The following ESPN variants were observed in gnomAD, a reference collection of about 807,000 sequenced individuals.
The protein encoded by ESPN is espin, also known as autosomal recessive deafness type 36 protein.
ESPN carries 68 observed loss-of-function variants against 77.7 expected under a neutral mutation model. That is an observed-to-expected ratio of 0.87 (90% confidence interval 0.72 to 1.07). The LOEUF is 1.07. Ranked by LOEUF, ESPN falls within the 50% of genes least tolerant of loss-of-function variation. The probability of loss-of-function intolerance (pLI) is 0.00; values close to 1 mark genes in which losing one functional copy is unlikely to be tolerated. For missense variants in ESPN, 1,060 were observed against 1,239.0 expected (o/e 0.86, Z 2.17); for synonymous variants, 449 against 567.1 (o/e 0.79, Z 2.96).
chr1:6,447,749 C>G lies in ESPN; in HGVS notation c.1465-892C>G, dbSNP rs1643875679. Among the ~76,000 whole-genome samples, 1 of 152,148 alleles carries G rather than the reference C, an allele frequency of 6.6e-6. No homozygotes were observed. The highest frequency in any genetic ancestry group is 2.4e-5 in the African/African-American group (1 of 41,440). Reference sequence around the variant, plus strand: ...GGAAGGGTGGGGACGCGACCCGGAGCCGGGGGCCAAATATGAGAGGCCTCC... The same window carrying G: ...GGAAGGGTGGGGACGCGACCCGGAGGCGGGGGCCAAATATGAGAGGCCTCC... On this transcript the variant is annotated intron_variant, in intron 7 of 12. Transcript: ENST00000645284. This position sits in a 1 kb window ranked among gnomAD's most constrained non-coding sequence, Gnocchi z 5.2.
chr1:6,448,587 G>A lies in ESPN; in HGVS notation c.1465-54G>A, dbSNP rs1569708799. On this transcript the variant is annotated intron_variant, in intron 7 of 12. Transcript: ENST00000645284. ...GTGAAGAGCTGGGTGGGGAGGCGTG[G>A]GGGGCGCCTACCGGGCAGGTGCCCG... The A allele has an allele frequency of 6.1e-6, 9 of 1,481,954 alleles. No homozygotes were observed. In the East Asian group the frequency reaches 2.1e-4, roughly 34 times the overall value. 91.8% of individuals were successfully genotyped at this position (1,481,954 alleles called of 1,614,324 possible). A position where few individuals can be genotyped will look rare whatever the true frequency, so the allele number is the denominator to read the frequency against.
chr1:6,460,932 T>G lies in ESPN; in HGVS notation c.*786T>G. On this transcript the variant is annotated 3_prime_UTR_variant, in exon 13 of 13. Transcript: ENST00000645284. ...CCCATTAAAGCGCTCTCATCTGGGC[T>G]CCGGTTCACTCACTCGCTGTGGCCG... 1 of 361,912 alleles carries G rather than the reference T, an allele frequency of 2.8e-6. No homozygotes were observed. 22.4% of individuals were successfully genotyped at this position (361,912 alleles called of 1,614,324 possible).
In ESPN at chr1:6,447,820, G is replaced by T. The variant is rs1411039670; in HGVS notation, c.1465-821G>T. ...TCCCCTCTCGGGCGGGGATGAAGGTGGGGGCTCAGCTCCCAGCTTAGGGAG... is the reference window on the plus strand; with the variant it reads ...TCCCCTCTCGGGCGGGGATGAAGGTTGGGGCTCAGCTCCCAGCTTAGGGAG... On this transcript the variant is annotated intron_variant, in intron 7 of 12. Coordinates refer to ENST00000645284, the MANE Select transcript of ESPN (RefSeq NM_031475.3). This position sits in a 1 kb window ranked among gnomAD's most constrained non-coding sequence, Gnocchi z 5.2. 6.6e-6 allele frequency among the ~76,000 whole-genome samples: 1 copy of T among 152,190 alleles called. No individual in the cohort carries two copies. The highest frequency in any genetic ancestry group is 6.5e-5 in the Admixed American group (1 of 15,280).
chr1:6,440,692 G>A lies in ESPN; in HGVS notation c.742G>A (p.Ala248Thr). ...CGGCGCCACCGCCATGCACTTCGCGGCGAGCCGCGGCCACACCAAGGTGCT... is the reference window on the plus strand; with the variant it reads ...CGGCGCCACCGCCATGCACTTCGCGACGAGCCGCGGCCACACCAAGGTGCT... The part of the protein sequence containing the change: ...KDGATAMHFA[A>T]SRGHTKVLSW... The change falls in exon 4 of 13, where the codon GCG becomes ACG. Residue 248 changes from alanine to threonine, a missense_variant. Physicochemically the swap from Ala to Thr is moderately conservative, Grantham distance 58. Coordinates refer to ENST00000645284, the MANE Select transcript of ESPN (RefSeq NM_031475.3). 1 of 1,541,878 alleles carries A rather than the reference G, an allele frequency of 6.5e-7. No homozygotes were observed. The highest frequency in any genetic ancestry group is 1.2e-5 in the South Asian group (1 of 83,524).
rs1643937788 is a variant in ESPN, at chr1:6,451,212, C to A, written c.1916-391C>A. The A allele has an allele frequency of 2.8e-6, 1 of 359,192 alleles. No homozygotes were observed. Among genetic ancestry groups the A allele is most frequent in the African/African-American group, 2.1e-5 (1 of 47,244 alleles). 22.3% of individuals were successfully genotyped at this position (359,192 alleles called of 1,614,324 possible). On this transcript the variant is annotated intron_variant, in intron 8 of 12. Transcript: ENST00000645284. This position sits in a 1 kb window ranked among gnomAD's most constrained non-coding sequence, Gnocchi z 4.3. ...ATGTAGGGAGAGGGCCAGAGGGAGG[C>A]TCCACCCCAGCCGGGCTGAGCCAGG...
chr1:6,441,915 GGCCCAGA>G (rs1395405587), intron 5 of ESPN, among the ~76,000 whole-genome samples: 1 of 152,246 alleles, frequency 6.6e-6, no homozygotes, highest in Non-Finnish European at 1.5e-5. Context: ...AACACAGCAA[GGCCCAGA>G]GGCCAGAGGC....
intron 2 of ESPN, among the ~76,000 whole-genome samples, chr1:6,433,849 G>C (rs1643339098): frequency 6.6e-6 from 1 of 152,132 alleles, no homozygotes; most frequent in African/African-American, 2.4e-5. Context: ...CCTGAGCCTT[G>C]CTGAAATTGT....
intron 2 of ESPN, among the ~76,000 whole-genome samples, chr1:6,432,577 C>G (rs1472681680): frequency 6.6e-6 from 1 of 152,208 alleles, no homozygotes; most frequent in Non-Finnish European, 1.5e-5. Context: ...CCCTGCCCTA[C>G]CCTTCTAAGG....
chr1:6,453,120 C>T (rs1258723037), intron 10 of ESPN, among the ~76,000 whole-genome samples: 1 of 152,192 alleles, frequency 6.6e-6, no homozygotes, highest in Non-Finnish European at 1.5e-5. Context: ...TCTCGAACTC[C>T]TGGCCTCAAG....
downstream of ESPN, chr1:6,461,291 C>T: frequency 9.5e-7 from 1 of 1,054,238 alleles, no homozygotes; most frequent in Non-Finnish European, 1.4e-6. This position sits in a 1 kb window ranked among gnomAD's most constrained non-coding sequence, Gnocchi z 6.3. Flanking sequence ...TAGGGGCGAG[C>T]AGGGGTGGGG....
rs764826715 is a variant in ESPN at position 6,441,017 on chromosome 1, C to T, written c.942C>T (p.Phe314=). 1.9e-6 allele frequency: 3 copies of T among 1,610,726 alleles called. No homozygotes were observed. The highest frequency in any genetic ancestry group is 2.2e-5 in the South Asian group (2 of 90,656). The change falls in exon 5 of 13, where the codon TTC becomes TTT. Residue 314 remains phenylalanine (F), a synonymous_variant. Transcript: ENST00000645284. ...DGYTAADLSD[F]NGHSHCTRYL... Reference sequence around the variant, plus strand: ...ACACGGCCGCCGACCTGTCGGACTTCAACGGCCACAGCCACTGCACCCGCT... The same window carrying T: ...ACACGGCCGCCGACCTGTCGGACTTTAACGGCCACAGCCACTGCACCCGCT...
At chr1:6,436,910 G>A (rs763923662) in intron 2 of ESPN, among the ~76,000 whole-genome samples, 4 of 151,950 alleles carry the variant, frequency 2.6e-5, no homozygotes, top group Non-Finnish European at 4.4e-5. Context: ...ATGTTGAGCC[G>A]GGATCCCCTC....
intron 12 of ESPN, among the ~76,000 whole-genome samples, chr1:6,459,324 G>T (rs534942431): frequency 6.6e-6 from 1 of 151,710 alleles, no homozygotes; most frequent in Non-Finnish European, 1.5e-5. Flanking sequence ...GGAGGATTAC[G>T]TGAGCCCAGG....
chr1:6,453,637 C>T (rs998400003), intron 10 of ESPN, among the ~76,000 whole-genome samples: 66 of 152,218 alleles, frequency 4.3e-4, no homozygotes, highest in African/African-American at 1.5e-3. Flanking sequence ...GTTACCAAGA[C>T]CTGGCCAGAG....
intron 6 of ESPN, 99 bp from the exon 7 acceptor site, chr1:6,445,565 G>T (rs1405872822): frequency 8.7e-6 from 12 of 1,382,026 alleles, no homozygotes; most frequent in African/African-American, 1.4e-5. Flanking sequence ...AGCCCACCTT[G>T]CCCCTCGGCA....
chr1:6,449,905 C>T (rs74792639), intron 8 of ESPN, among the ~76,000 whole-genome samples: 1 of 152,148 alleles, frequency 6.6e-6, no homozygotes, highest in South Asian at 2.1e-4. Context: ...CCACTCAGGG[C>T]AGAGATCATG....
chr1:6,454,399 C>A (rs930017210), intron 10 of ESPN: 6 of 398,866 alleles, frequency 1.5e-5, no homozygotes, highest in Admixed American at 1.3e-4. Flanking sequence ...GAGGGAGACG[C>A]GCCTCCCTCC....
intron 2 of ESPN, among the ~76,000 whole-genome samples, chr1:6,434,196 C>T (rs1643350561): frequency 6.6e-6 from 1 of 152,250 alleles, no homozygotes; most frequent in Non-Finnish European, 1.5e-5. Context: ...AGCCACTGCA[C>T]CTGGCCTCCC....
intron 12 of ESPN, among the ~76,000 whole-genome samples, chr1:6,458,027 A>T (rs1413274952): frequency 6.6e-6 from 1 of 150,738 alleles, no homozygotes; most frequent in Non-Finnish European, 1.5e-5. Flanking sequence ...AAAAAAAAAA[A>T]AATTTTTTTT....
Sources: allele counts gnomAD v4.1 joint callset (sites outside exome capture counted in the v4.1 genomes callset), GRCh38; gene constraint gnomAD v4.1.1; non-coding constraint Gnocchi (gnomAD v3.1); transcripts MANE v1.5; gene names NCBI Gene and HGNC (gene_info 2026-07-23, HGNC 2026-07-21).